The following NOL4 variants were observed in gnomAD, a reference collection of about 807,000 sequenced individuals.
NOL4 encodes the protein nucleolar protein 4.
In NOL4, 17 loss-of-function variants were observed where a neutral mutation model predicts 75.9. That is an observed-to-expected ratio of 0.22 (90% CI 0.15 to 0.34). NOL4 has a LOEUF of 0.34. Ranked by LOEUF, NOL4 falls within the 10% of genes least tolerant of loss-of-function variation. The pLI is 1.00. For missense variants in NOL4, 614 were observed against 793.5 expected (o/e 0.77, Z 2.72); for synonymous variants, 292 against 289.9 (o/e 1.01, Z -0.07).
chr18:34,130,625 A>T (rs2080596068), intron 1 of NOL4, among the ~76,000 whole-genome samples: 1 of 152,100 alleles, frequency 6.6e-6, no homozygotes, highest in South Asian at 2.1e-4. Flanking sequence ...TGTGCAAATC[A>T]CTTAAACTTC....
At chr18:34,211,475 G>A (rs1440850620) in intron 1 of NOL4, among the ~76,000 whole-genome samples, 2 of 152,076 alleles carry the variant, frequency 1.3e-5, no homozygotes, top group South Asian at 2.1e-4. Context: ...ACCAGGCTAG[G>A]CCTTAGATCC....
intron 1 of NOL4, among the ~76,000 whole-genome samples, chr18:34,135,562 C>T (rs1039102266): frequency 1.3e-5 from 2 of 150,930 alleles, no homozygotes; most frequent in South Asian, 2.1e-4. Flanking sequence ...CCAGGTGTGG[C>T]GGTGGGCGCC....
Position 34,019,341 on chromosome 18 carries a change from C to G in NOL4, c.1033G>C (p.Glu345Gln). The G allele has an allele frequency of 6.2e-7, 1 of 1,613,678 alleles. No individual in the cohort carries two copies. The highest frequency in any genetic ancestry group is 8.5e-7 in the Non-Finnish European group (1 of 1,179,670). ...ACCTTGCTTCCATTTTCTCTCGCCT[C>G]TCGTTCCATCTTGAGGTCAGAAATT... ...LLISDLKMER[E>Q]ARENGSKSPA... The change falls in exon 6 of 11, where the codon GAG (glutamate) becomes CAG (glutamine). Residue 345 changes from glutamate to glutamine, a missense_variant. Transcript: ENST00000261592.
At chr18:34,182,941 C>T (rs562292260) in intron 1 of NOL4, among the ~76,000 whole-genome samples, 49 of 151,806 alleles carry the variant, frequency 3.2e-4, no homozygotes, top group African/African-American at 1.2e-3. Flanking sequence ...AAACATAAAA[C>T]TACAGAATAT....
chr18:33,965,420 G>A (rs945718234), intron 6 of NOL4, among the ~76,000 whole-genome samples: 4 of 152,034 alleles, frequency 2.6e-5, no homozygotes, highest in Non-Finnish European at 4.4e-5. Flanking sequence ...TTGAGCCCAC[G>A]AATCCCAGGC....
chr18:34,046,819 G>C (rs944686269), intron 5 of NOL4, among the ~76,000 whole-genome samples: 3 of 151,134 alleles, frequency 2.0e-5, no homozygotes, highest in Non-Finnish European at 4.4e-5. Context: ...ATCTATGAAG[G>C]GAGATAAGCT....
chr18:33,855,182 G>A (rs2062785439), intron 10 of NOL4, among the ~76,000 whole-genome samples: 1 of 151,962 alleles, frequency 6.6e-6, no homozygotes, highest in African/African-American at 2.4e-5. Context: ...ATGGGGTTGA[G>A]CAAGGAATCA....
At chr18:33,920,827 T>A (rs1326333182) in intron 9 of NOL4, among the ~76,000 whole-genome samples, 1 of 152,072 alleles carries the variant, frequency 6.6e-6, no homozygotes, top group Non-Finnish European at 1.5e-5. Context: ...GGGACAGAGA[T>A]GGGATTGAAT....
intron 5 of NOL4, among the ~76,000 whole-genome samples, chr18:34,026,074 T>C (rs897498635): frequency 6.6e-6 from 1 of 152,164 alleles, no homozygotes; most frequent in African/African-American, 2.4e-5. Flanking sequence ...AAAATAATTA[T>C]TCTGTAAGGA....
intron 2 of NOL4, among the ~76,000 whole-genome samples, chr18:34,108,533 G>A (rs529613404): frequency 7.2e-5 from 11 of 152,220 alleles, no homozygotes; most frequent in African/African-American, 2.4e-4. Flanking sequence ...AACCAAAAGG[G>A]ATCAGGGCTG....
chr18:34,019,236 T>C (rs541132248), intron 6 of NOL4, 82 bp downstream of exon 6: 1 of 1,120,798 alleles, frequency 8.9e-7, no homozygotes, highest in African/African-American at 1.6e-5. Flanking sequence ...TTAACAATAA[T>C]GTTTATCTGC....
intron 5 of NOL4, among the ~76,000 whole-genome samples, chr18:34,075,863 A>ATG (rs893544341): frequency 9.2e-5 from 14 of 152,232 alleles, no homozygotes; most frequent in Admixed American, 5.9e-4. Flanking sequence ...ATATATATAT[A>ATG]TTTCCATAAA....
At position 34,089,649 on chromosome 18, in the gene NOL4, C is replaced by T. The variant is rs888702021; in HGVS notation, c.772+3816G>A. Among the ~76,000 whole-genome samples, 4 of 152,228 alleles carry T rather than the reference C, an allele frequency of 2.6e-5. No homozygotes were observed. The South Asian group carries it at 8.3e-4, about 32-fold the overall frequency. On this transcript the variant is annotated intron_variant, in intron 5 of 10. Transcript: ENST00000261592. ...GAGATTGCAGAAAGACAACTGGGCA[C>T]TGATTCCTAGGCTTTTCTTTTGTTT...
At chr18:34,086,581 G>T (rs1004292149) in intron 5 of NOL4, among the ~76,000 whole-genome samples, 4 of 152,112 alleles carry the variant, frequency 2.6e-5, no homozygotes, top group Non-Finnish European at 5.9e-5. Flanking sequence ...ATTAAATGGT[G>T]AACAGCACAT....
rs2073547857 is a variant in NOL4, at chr18:33,999,640, G to A, written c.1056+19678C>T. Among the ~76,000 whole-genome samples, 5 of 152,048 alleles carry A rather than the reference G, an allele frequency of 3.3e-5. No individual in the cohort carries two copies. In the South Asian group the frequency reaches 1.0e-3, roughly 32 times the overall value. On this transcript the variant is annotated intron_variant, in intron 6 of 10. Coordinates refer to ENST00000261592, the MANE Select transcript of NOL4 (RefSeq NM_003787.5). Reference sequence around the variant, plus strand: ...AGGAATGGCAAAGGTGTTCCCCTATGCCATGCTCATGAGACACCTTTCCTT... The same window carrying A: ...AGGAATGGCAAAGGTGTTCCCCTATACCATGCTCATGAGACACCTTTCCTT...
At chr18:34,047,803 C>T (rs1379730562) in intron 5 of NOL4, among the ~76,000 whole-genome samples, 1 of 152,012 alleles carries the variant, frequency 6.6e-6, no homozygotes. Flanking sequence ...GACATCCCCC[C>T]AGAACAAAAT....
At chr18:33,961,725 G>C (rs981944533) in intron 6 of NOL4, among the ~76,000 whole-genome samples, 1 of 152,050 alleles carries the variant, frequency 6.6e-6, no homozygotes, top group Non-Finnish European at 1.5e-5. Context: ...GAGAAGTTAA[G>C]TAGAGGCCAT....
At chr18:34,108,900 T>A (rs2079447937) in intron 2 of NOL4, among the ~76,000 whole-genome samples, 1 of 152,068 alleles carries the variant, frequency 6.6e-6, no homozygotes, top group South Asian at 2.1e-4. Flanking sequence ...CACATACTAC[T>A]CACGTGAACA....
At chr18:34,169,382 C>G (rs759550211) in intron 1 of NOL4, among the ~76,000 whole-genome samples, 3 of 150,472 alleles carry the variant, frequency 2.0e-5, no homozygotes, top group African/African-American at 7.3e-5. Context: ...ACTGTAAACC[C>G]TAAAGTAACC....
Sources: allele counts gnomAD v4.1 joint callset (sites outside exome capture counted in the v4.1 genomes callset), GRCh38; gene constraint gnomAD v4.1.1; transcripts MANE v1.5; gene names NCBI Gene and HGNC (gene_info 2026-07-23, HGNC 2026-07-21).